The following WWOX variants were observed in gnomAD, a reference collection of about 807,000 sequenced individuals.
The protein encoded by WWOX is WW domain containing oxidoreductase.
WWOX carries 69 observed loss-of-function variants against 46.2 expected under a neutral mutation model. The observed-to-expected ratio is 1.49, with a 90% CI of 1.23 to 1.82. WWOX has a LOEUF of 1.82. Among genes scored for constraint, WWOX ranks in the 40% most tolerant of loss-of-function variants. The pLI, the probability that WWOX is intolerant of heterozygous loss-of-function variation, is 0.00. For missense variants in WWOX, 919 were observed against 542.6 expected (o/e 1.69, Z -6.89); for synonymous variants, 359 against 202.6 (o/e 1.77, Z -6.56).
At chr16:78,746,909 G>A (rs2049360722) in intron 8 of WWOX, among the ~76,000 whole-genome samples, 2 of 152,156 alleles carry the variant, frequency 1.3e-5, no homozygotes, top group African/African-American at 4.8e-5. Context: ...GGCAGTAGCT[G>A]ATGAATACAC....
chr16:78,591,513 A>AT (rs1339517844), intron 8 of WWOX, among the ~76,000 whole-genome samples: 1 of 152,168 alleles, frequency 6.6e-6, no homozygotes, highest in Non-Finnish European at 1.5e-5. Context: ...TATAGTCCTC[A>AT]TTAAGAGACT....
chr16:78,895,279 T>A (rs1400092597), intron 8 of WWOX: 1 of 152,354 alleles, frequency 6.6e-6, no homozygotes, highest in East Asian at 1.9e-4. Context: ...TGTGGGTTTC[T>A]TTTCTTTTCT....
At chr16:79,016,640 C>G (rs991634409) in intron 8 of WWOX, 2 of 151,288 alleles carry the variant, frequency 1.3e-5, no homozygotes, top group Non-Finnish European at 2.9e-5. Context: ...TCAGGCTGGT[C>G]TCAAACTCCT....
intron 8 of WWOX, among the ~76,000 whole-genome samples, chr16:78,880,160 CA>C (rs2044314260): frequency 6.6e-6 from 1 of 152,172 alleles, no homozygotes; most frequent in Non-Finnish European, 1.5e-5. Context: ...GATGTTGGAT[CA>C]AATCAGACAT....
intron 8 of WWOX, among the ~76,000 whole-genome samples, chr16:78,944,524 C>G (rs905788344): frequency 6.6e-6 from 1 of 152,250 alleles, no homozygotes; most frequent in East Asian, 1.9e-4. Context: ...TTTGATTTGT[C>G]TTGCTGTATC....
chr16:78,999,357 C>G (rs188554634), intron 8 of WWOX, among the ~76,000 whole-genome samples: 8 of 152,234 alleles, frequency 5.3e-5, no homozygotes, highest in South Asian at 2.1e-4. Flanking sequence ...GTAATCCCAG[C>G]TACTCGAGAG....
intron 8 of WWOX, among the ~76,000 whole-genome samples, chr16:78,444,435 T>G (rs952437489): frequency 6.6e-6 from 1 of 152,134 alleles, no homozygotes; most frequent in Non-Finnish European, 1.5e-5. Context: ...TTCATAAATT[T>G]TGGATGAAAA....
At chr16:79,120,913 C>T (rs974465736) in intron 8 of WWOX, among the ~76,000 whole-genome samples, 9 of 152,172 alleles carry the variant, frequency 5.9e-5, no homozygotes, top group South Asian at 2.1e-4. Context: ...GGATTACAGG[C>T]GTGCGCCACC....
At chr16:79,180,185 C>G (rs1386115956) in intron 8 of WWOX, among the ~76,000 whole-genome samples, 1 of 152,142 alleles carries the variant, frequency 6.6e-6, no homozygotes, top group African/African-American at 2.4e-5. Flanking sequence ...TGCCTAACTT[C>G]TAGTTCCAGA....
At chr16:79,045,863 A>G (rs2656608) in intron 8 of WWOX, among the ~76,000 whole-genome samples, 61,381 of 137,956 alleles carry the variant, frequency 0.44, 15,690 homozygotes, top group African/African-American at 0.74. Flanking sequence ...GTGCAGTGGC[A>G]CAATCTCAGC....
At chr16:79,000,647 C>G (rs376392381) in intron 8 of WWOX, among the ~76,000 whole-genome samples, 15 of 152,188 alleles carry the variant, frequency 9.9e-5, no homozygotes, top group African/African-American at 3.1e-4. Flanking sequence ...AGGCACGAAG[C>G]CCTGCTGACC....
intron 8 of WWOX, among the ~76,000 whole-genome samples, chr16:78,984,642 G>T (rs1200726804): frequency 6.6e-6 from 1 of 152,212 alleles, no homozygotes; most frequent in Non-Finnish European, 1.5e-5. Flanking sequence ...GTCTCAACTG[G>T]TTGATTGGAA....
rs572298080 is a variant in WWOX, at chr16:79,008,438, C to G, written c.1057-203170C>G. On this transcript the variant is annotated intron_variant, in intron 8 of 8. Transcript: ENST00000566780. ...AATTCCTCCCCCTTTGCTTGGTAGCCTAACTCACTCAGGGGGGCAAATTAT... is the reference window on the plus strand; with the variant it reads ...AATTCCTCCCCCTTTGCTTGGTAGCGTAACTCACTCAGGGGGGCAAATTAT... Among the ~76,000 whole-genome samples, 4 of 152,294 alleles carry G rather than the reference C, an allele frequency of 2.6e-5. No homozygotes were observed. In the East Asian group the frequency reaches 7.7e-4, roughly 29 times the overall value.
chr16:79,210,829 C>T (rs1445805806), intron 8 of WWOX, among the ~76,000 whole-genome samples: 1 of 152,148 alleles, frequency 6.6e-6, no homozygotes, highest in Admixed American at 6.5e-5. Context: ...GCCACAGCCG[C>T]AACTGTTACT....
At chr16:78,667,823 A>G (rs758303122) in intron 8 of WWOX, among the ~76,000 whole-genome samples, 4 of 151,992 alleles carry the variant, frequency 2.6e-5, no homozygotes, top group Non-Finnish European at 4.4e-5. Flanking sequence ...CTGTTTGCCT[A>G]TGCTATAAGG....
At chr16:78,847,654 G>A (rs1449841037) in intron 8 of WWOX, among the ~76,000 whole-genome samples, 1 of 151,622 alleles carries the variant, frequency 6.6e-6, no homozygotes, top group East Asian at 1.9e-4. Context: ...TCATTATTCT[G>A]AGCTTTCTTT....
intron 8 of WWOX, among the ~76,000 whole-genome samples, chr16:78,484,920 C>T (rs1268414515): frequency 3.9e-5 from 6 of 152,154 alleles, no homozygotes; most frequent in South Asian, 2.1e-4. Context: ...ACTGGTTTTC[C>T]GGGCTGTTTG....
chr16:78,988,556 C>T (rs2046825201), intron 8 of WWOX, among the ~76,000 whole-genome samples: 1 of 151,928 alleles, frequency 6.6e-6, no homozygotes, highest in South Asian at 2.1e-4. Flanking sequence ...CAGGAGAGGT[C>T]CCAGCGGAAT....
chr16:78,271,864 A>G (rs924381874), intron 5 of WWOX, among the ~76,000 whole-genome samples: 3 of 152,164 alleles, frequency 2.0e-5, no homozygotes, highest in Non-Finnish European at 4.4e-5. Context: ...CCCAAAGAGC[A>G]TGGTGAATTT....
Sources: allele counts gnomAD v4.1 joint callset (sites outside exome capture counted in the v4.1 genomes callset), GRCh38; gene constraint gnomAD v4.1.1; transcripts MANE v1.5; gene names NCBI Gene and HGNC (gene_info 2026-07-23, HGNC 2026-07-21).